The following P3H1 variants were observed in gnomAD, a reference collection of about 807,000 sequenced individuals.
P3H1 encodes prolyl 3-hydroxylase 1.
A neutral mutation model predicts 84.0 loss-of-function variants in P3H1; 69 were observed. That is an observed-to-expected ratio of 0.82 (90% CI 0.68 to 1.00). The LOEUF (loss-of-function observed/expected upper bound fraction) is 1.00. P3H1 is among the 50% of genes least tolerant of loss of function. The probability of loss-of-function intolerance (pLI) is 0.00; values close to 1 mark genes in which losing one functional copy is unlikely to be tolerated. For missense variants in P3H1, 878 were observed against 962.8 expected, an observed-to-expected ratio of 0.91 and a Z score of 1.17; for synonymous variants, 366 against 388.8, an observed-to-expected ratio of 0.94 and a Z score of 0.69.
Position 42,747,339 on chromosome 1 carries a change from G to C in P3H1, c.1988C>G (p.Ala663Gly), listed in dbSNP as rs1651782504. The change falls in exon 14 of 15, where the codon GCT becomes GGT. Residue 663 changes from alanine (A) to glycine (G), a missense_variant. Coordinates refer to ENST00000296388, the MANE Select transcript of P3H1 (RefSeq NM_022356.4). The stretch of plus-strand genomic sequence containing the variant: ...GGCACAGCGCTGCCCCCTGGTGACA[G>C]CCTTCACTCCATGTGGGTTTTCAGT... ...SGTENPHGVK[A>G]VTRGQRCAIA... 1.9e-6 allele frequency: 3 copies of C among 1,609,870 alleles called. No individual in the cohort carries two copies. Among genetic ancestry groups the C allele is most frequent in the Non-Finnish European group, 2.5e-6 (3 of 1,177,144 alleles).
intron 1 of P3H1, among the ~76,000 whole-genome samples, chr1:42,764,151 G>A (rs962809059): frequency 6.6e-6 from 1 of 151,910 alleles, no homozygotes; most frequent in Non-Finnish European, 1.5e-5. Flanking sequence ...AGGGCTGGGT[G>A]CGGTGGCTCA....
At position 42,747,432 on chromosome 1, in the gene P3H1, A is replaced by C. The variant is rs3738498; in HGVS notation, c.1915-20T>G. 123,768 of 1,604,656 alleles carry C rather than the reference A, an allele frequency of 0.077. 5,128 individuals are homozygous for C. Among genetic ancestry groups the C allele is most frequent in the South Asian group, 0.091 (8,173 of 90,232 alleles). On this transcript the variant is annotated intron_variant, in intron 13 of 14. Coordinates refer to ENST00000296388, the MANE Select transcript of P3H1 (RefSeq NM_022356.4). ...CTCTGCCTAAGGGGGACAGAAAGGGAGGGGGGTTGCACAGGACAAAGACTG... is the reference window on the plus strand; with the variant it reads ...CTCTGCCTAAGGGGGACAGAAAGGGCGGGGGGTTGCACAGGACAAAGACTG...
rs544528854 is a variant in P3H1 at position 42,761,103 on chromosome 1, G to A, written c.618+1220C>T. 4.6e-5 allele frequency: 7 copies of A among 150,674 alleles called. 1 individual carries two copies. The highest frequency in any genetic ancestry group is 1.3e-4 in the Admixed American group (2 of 14,944). The allele number at this position is 150,674 out of a possible 1,614,324, so 9.3% of individuals were successfully genotyped here. ...TCTCCTGCCTCCATGTCGAGTAGCT[G>A]GGATTACGGGTGCATGCCACCATGC... On this transcript the variant is annotated intron_variant, in intron 2 of 14. Coordinates refer to ENST00000296388, the MANE Select transcript of P3H1 (RefSeq NM_022356.4).
chr1:42,766,636 G>C lies in P3H1; in HGVS notation c.336C>G (p.Gly112=). The C allele has an allele frequency of 6.3e-7, 1 of 1,590,268 alleles. No homozygotes were observed. The highest frequency in any genetic ancestry group is 8.6e-7 in the Non-Finnish European group (1 of 1,168,862). Residue 112 remains glycine, a synonymous_variant, in exon 1 of 15, where the codon GGC becomes GGG. Transcript: ENST00000296388. ...AALRDLSFFG[G]LLRRAACLRR... ...GCAGGCAGGCAGCGCGACGCAGAAG[G>C]CCCCCGAAGAAGCTCAGGTCGCGCA...
chr1:42,761,452 AC>A (rs1652715191), intron 2 of P3H1: 1 of 152,254 alleles, frequency 6.6e-6, no homozygotes, highest in African/African-American at 2.4e-5. Context: ...AAAATCAAAA[AC>A]ATACATGACC....
At chr1:42,747,942 A>G in intron 12 of P3H1, 144 bp from the exon 13 acceptor site, 1 of 799,900 alleles carries the variant, frequency 1.3e-6, no homozygotes, top group Non-Finnish European at 2.2e-6. Flanking sequence ...GATGCCGTAC[A>G]AACTCCACCT....
At chr1:42,751,082 T>G (rs927117603) in intron 10 of P3H1, among the ~76,000 whole-genome samples, 1 of 133,246 alleles carries the variant, frequency 7.5e-6, no homozygotes, top group Non-Finnish European at 1.6e-5. Flanking sequence ...CAGCGGCTCA[T>G]TGGGGATGGG....
chr1:42,755,622 G>A lies in P3H1; in HGVS notation c.1096C>T (p.Arg366Ter), dbSNP rs752575140. 9.3e-6 allele frequency: 15 copies of A among 1,613,592 alleles called. No homozygotes were observed. Among genetic ancestry groups the A allele is most frequent in the East Asian group, 2.2e-5 (1 of 44,884 alleles). Residue 366 changes from arginine to a stop codon, truncating the protein, a stop_gained, in exon 6 of 15, where the codon CGA becomes TGA. Transcript: ENST00000296388. LOFTEE classifies it high-confidence loss of function. Reference sequence around the variant, plus strand: ...TCTTTTTCCAGTAGGCTTCGCTGTCGGTACTCCTTGGCACTCTGAGGGTAA... The same window carrying A: ...TCTTTTTCCAGTAGGCTTCGCTGTCAGTACTCCTTGGCACTCTGAGGGTAA... Reference protein sequence around the residue: ...IGPRESAKEYRQRSLLEKELL... With the variant: ...IGPRESAKEY
Position 42,754,906 on chromosome 1 carries a change from G to A in P3H1, c.1308C>T (p.Thr436=), listed in dbSNP as rs111588746. 73 of 1,614,010 alleles carry A rather than the reference G, an allele frequency of 4.5e-5. No homozygotes were observed. Among genetic ancestry groups the A allele is most frequent in the Non-Finnish European group, 5.8e-5 (69 of 1,180,020 alleles). ...GTCTGCTCACATCCAGTGACTCCTTGGTCTTCTCTTCCACAAGGGTCTCGA... is the reference window on the plus strand; with the variant it reads ...GTCTGCTCACATCCAGTGACTCCTTAGTCTTCTCTTCCACAAGGGTCTCGA... ...KEIETLVEEK[T]KESLDVSRLT... Residue 436 remains threonine (T), a synonymous_variant, in exon 8 of 15, where the codon ACC becomes ACT. Transcript: ENST00000296388. The surrounding 1 kb of genome is among the most constrained non-coding windows in gnomAD (Gnocchi z 4.0).
intron 9 of P3H1, 24 bp downstream of exon 9, chr1:42,752,513 G>T: frequency 6.2e-7 from 1 of 1,613,954 alleles, no homozygotes; most frequent in Non-Finnish European, 8.5e-7. Flanking sequence ...TTGGGGGAAG[G>T]TGCAGTCACT....
rs187640730 is a variant in P3H1, at chr1:42,754,385, G to C, written c.1345+484C>G. On this transcript the variant is annotated intron_variant, in intron 8 of 14. Coordinates refer to ENST00000296388, the MANE Select transcript of P3H1 (RefSeq NM_022356.4). The surrounding 1 kb of genome is among the most constrained non-coding windows in gnomAD (Gnocchi z 4.0). ...AAGAGGAGCCAAAGGAGGCCTGAAG[G>C]CGTTGAGTCTCAGTAAAGGGACGAA... Among the ~76,000 whole-genome samples the C allele has an allele frequency of 4.6e-5, 7 of 152,288 alleles. No individual in the cohort carries two copies. Among genetic ancestry groups the C allele is most frequent in the Admixed American group, 1.3e-4 (2 of 15,294 alleles).
At chr1:42,758,717 A>G in intron 4 of P3H1, 135 bp downstream of exon 4, 1 of 1,067,538 alleles carries the variant, frequency 9.4e-7, no homozygotes, top group Admixed American at 1.8e-5. Flanking sequence ...CCCAGGGATC[A>G]CTTGGCATGG....
chr1:42,766,451 G>T, intron 1 of P3H1, 56 bp downstream of exon 1: 2 of 1,466,466 alleles, frequency 1.4e-6, no homozygotes, highest in Non-Finnish European at 1.9e-6. Context: ...CAGGTCCCCT[G>T]CAACACTCCT....
chr1:42,753,014 GTTAC>G (rs2124112385), intron 8 of P3H1, among the ~76,000 whole-genome samples: 1 of 152,302 alleles, frequency 6.6e-6, no homozygotes, highest in East Asian at 1.9e-4. Flanking sequence ...ACCTTGGCAA[GTTAC>G]TTAACCTCCC....
Position 42,755,598 on chromosome 1 carries a change from C to A in P3H1, c.1120G>T (p.Glu374Ter), listed in dbSNP as rs140468248. The A allele has an allele frequency of 2.5e-6, 4 of 1,614,010 alleles. No homozygotes were observed. Among genetic ancestry groups the A allele is most frequent in the Admixed American group, 3.3e-5 (2 of 60,008 alleles). The change falls in exon 6 of 15, where the codon GAA (glutamate) becomes TAA (stop). Residue 374 changes from glutamate (E) to a stop codon, truncating the protein, a stop_gained. Coordinates refer to ENST00000296388, the MANE Select transcript of P3H1 (RefSeq NM_022356.4). LOFTEE classifies it high-confidence loss of function. ...ACATCATAAGCGAAGAAAAGCAGTT[C>A]TTTTTCCAGTAGGCTTCGCTGTCGG... is the stretch of plus-strand genomic sequence containing the variant. The part of the protein sequence containing the change: ...EYRQRSLLEK[E>*]LLFFAYDVFG...
Position 42,746,648 on chromosome 1 carries a change from G to A in P3H1, c.*49C>T. 1.4e-6 allele frequency: 2 copies of A among 1,461,308 alleles called. No homozygotes were observed. The highest frequency in any genetic ancestry group is 1.9e-6 in the Non-Finnish European group (2 of 1,065,654). The allele number at this position is 1,461,308 out of a possible 1,614,324, so 90.5% of individuals were successfully genotyped here. ...GGGCTGGCCAGCTCAGAGTGCAGAA[G>A]AGTTCCTCTCCATGGGTCTAGTCAC... is the stretch of plus-strand genomic sequence containing the variant. On this transcript the variant is annotated 3_prime_UTR_variant, in exon 15 of 15. Transcript: ENST00000296388.
Position 42,746,515 on chromosome 1 carries a change from G to T in P3H1, c.*182C>A. 2 of 620,400 alleles carry T rather than the reference G, an allele frequency of 3.2e-6. No individual in the cohort carries two copies. Among genetic ancestry groups the T allele is most frequent in the Non-Finnish European group, 5.7e-6 (2 of 350,458 alleles). 38.4% of individuals were successfully genotyped at this position (620,400 alleles called of 1,614,324 possible). A position where few individuals can be genotyped will look rare whatever the true frequency, so the allele number is the denominator to read the frequency against. ...GCCCTCAGCCAGATCCAGGGGGTGC[G>T]GTGTCTGGTCATGTCCACTCCAAGA... On this transcript the variant is annotated 3_prime_UTR_variant, in exon 15 of 15. Transcript: ENST00000296388.
At chr1:42,766,391 G>A (rs539431315) in intron 1 of P3H1, 116 bp downstream of exon 1, 9 of 936,464 alleles carry the variant, frequency 9.6e-6, no homozygotes, top group African/African-American at 3.3e-5. Flanking sequence ...CCCCAGCCAG[G>A]AGGCCACTTT....
In P3H1 at chr1:42,757,831, A is replaced by C; in HGVS notation, c.1032T>G (p.Tyr344Ter). 1 of 1,614,256 alleles carries C rather than the reference A, an allele frequency of 6.2e-7. No individual in the cohort carries two copies. Among genetic ancestry groups the C allele is most frequent in the Non-Finnish European group, 8.5e-7 (1 of 1,180,040 alleles). ...DEVMNQNLAY[Y>*]AAMLGEEHTR... ...TGTGTTCTTCTCCAAGCATAGCTGC[A>C]TAATAGGCCAAATTTTGGTTCATCA... Residue 344 changes from tyrosine (Y) to a stop codon, truncating the protein, a stop_gained, in exon 5 of 15, where the codon TAT (tyrosine) becomes TAG (stop). Transcript: ENST00000296388. LOFTEE classifies it high-confidence loss of function.
Sources: gnomAD v4.1 joint callset for allele counts (sites outside exome capture counted in the v4.1 genomes callset) on GRCh38, gnomAD v4.1.1 for gene constraint, Gnocchi (gnomAD v3.1) non-coding constraint, MANE v1.5 for transcripts, NCBI Gene and HGNC (gene_info 2026-07-23, HGNC 2026-07-21) for gene names.